FREM1: variants seen among roughly 807,000 people sequenced by gnomAD.
FREM1 encodes FRAS1 related extracellular matrix 1.
In FREM1, 220 loss-of-function variants were observed where a neutral mutation model predicts 210.1. The observed-to-expected ratio is 1.05, with a 90% CI of 0.94 to 1.17. The LOEUF is 1.17. Among genes scored for constraint, FREM1 ranks in the 50% most tolerant of loss-of-function variants. The pLI, the probability that FREM1 is intolerant of heterozygous loss-of-function variation, is 0.00. For missense variants in FREM1, 3,454 were observed against 2,675.5 expected (o/e 1.29, Z -6.42); for synonymous variants, 1,189 against 980.2 (o/e 1.21, Z -3.98).
intron 1 of FREM1, among the ~76,000 whole-genome samples, chr9:14,885,565 T>C (rs1835663910): frequency 6.6e-6 from 1 of 152,094 alleles, no homozygotes; most frequent in African/African-American, 2.4e-5. Flanking sequence ...ACTACAGGCA[T>C]GCACCACCAC....
intron 27 of FREM1, among the ~76,000 whole-genome samples, chr9:14,760,107 G>T (rs554561113): frequency 6.6e-6 from 1 of 152,312 alleles, no homozygotes; most frequent in African/African-American, 2.4e-5. Context: ...CTGTAAGGTA[G>T]ACAGAGCAAG....
At chr9:14,875,827 T>G (rs960680797) in intron 1 of FREM1, among the ~76,000 whole-genome samples, 2 of 152,190 alleles carry the variant, frequency 1.3e-5, no homozygotes, top group Non-Finnish European at 2.9e-5. Context: ...TGGTCTTTGA[T>G]GATGGTGATT....
chr9:14,782,282 C>T, intron 24 of FREM1: 1 of 652,364 alleles, frequency 1.5e-6, no homozygotes, highest in Non-Finnish European at 1.9e-6. Flanking sequence ...AAGACTTTCT[C>T]TGGATGCAAA....
chr9:14,890,767 T>C (rs1022693415), intron 1 of FREM1, among the ~76,000 whole-genome samples: 2 of 152,172 alleles, frequency 1.3e-5, no homozygotes, highest in Non-Finnish European at 1.5e-5. Context: ...TAAAACTACC[T>C]TCAAAGGTAG....
At chr9:14,901,948 C>G (rs1454257367) in intron 1 of FREM1, among the ~76,000 whole-genome samples, 1 of 151,494 alleles carries the variant, frequency 6.6e-6, no homozygotes, top group East Asian at 1.9e-4. Flanking sequence ...ACCACTGGGT[C>G]TCAAGTGATC....
chr9:14,887,667 C>T (rs2132301839), intron 1 of FREM1, among the ~76,000 whole-genome samples: 1 of 152,106 alleles, frequency 6.6e-6, no homozygotes, highest in South Asian at 2.1e-4. Flanking sequence ...TTTAGTCTCC[C>T]CTATGTGCAA....
chr9:14,827,757 G>A (rs1263001541), intron 10 of FREM1, among the ~76,000 whole-genome samples: 1 of 152,186 alleles, frequency 6.6e-6, no homozygotes, highest in Non-Finnish European at 1.5e-5. Context: ...GGGCCTTGAG[G>A]ACAGAATGGT....
At chr9:14,872,148 C>T (rs371072755) in intron 1 of FREM1, among the ~76,000 whole-genome samples, 5 of 152,052 alleles carry the variant, frequency 3.3e-5, no homozygotes, top group African/African-American at 4.8e-5. Flanking sequence ...CTTGGCAATG[C>T]GGGCTCTTTT....
intron 27 of FREM1, among the ~76,000 whole-genome samples, chr9:14,766,899 C>T (rs1430195507): frequency 6.6e-6 from 1 of 152,182 alleles, no homozygotes; most frequent in East Asian, 1.9e-4. Context: ...TAATTAGAGG[C>T]AGGCTTTCTA....
chr9:14,814,078 A>T (rs1209838205), intron 15 of FREM1, among the ~76,000 whole-genome samples: 13 of 151,984 alleles, frequency 8.6e-5, no homozygotes. Flanking sequence ...CCCACTGCCC[A>T]CGTCTCTTCC....
At position 14,824,940 on chromosome 9, in the gene FREM1, G is replaced by A. The variant is rs1418153207; in HGVS notation, c.1934C>T (p.Pro645Leu). The A allele has an allele frequency of 1.9e-5, 30 of 1,607,080 alleles. No homozygotes were observed. Among genetic ancestry groups the A allele is most frequent in the Non-Finnish European group, 2.5e-5 (29 of 1,178,310 alleles). ...PVDDQLPKEA[P>L]GVSRHLVVKE... ...GACAACCAAATGCCGAGAAACTCCA[G>A]GAGCCTCTTTTGGAAGCTGGTCATC... The change falls in exon 11 of 37, where the codon CCT becomes CTT. Residue 645 changes from proline to leucine, a missense_variant. By Grantham distance (98) the Pro-to-Leu change is moderately conservative. Transcript: ENST00000380880.
intron 1 of FREM1, among the ~76,000 whole-genome samples, chr9:14,896,406 T>TGCACCAGCTAATTA (rs1837725286): frequency 6.6e-6 from 1 of 151,626 alleles, no homozygotes; most frequent in Non-Finnish European, 1.5e-5. Context: ...TAGCTGGGAG[T>TGCACCAGCTAATTA]GGTGGTGTGC....
chr9:14,803,990 T>C (rs1322915840), intron 19 of FREM1, among the ~76,000 whole-genome samples: 1 of 152,150 alleles, frequency 6.6e-6, no homozygotes, highest in African/African-American at 2.4e-5. Flanking sequence ...TTCTTGCAGA[T>C]TGAATAGATT....
At position 14,776,132 on chromosome 9, in the gene FREM1, G is replaced by C; in HGVS notation, c.4514C>G (p.Ala1505Gly). 6.3e-7 allele frequency: 1 copy of C among 1,586,218 alleles called. No homozygotes were observed. Among genetic ancestry groups the C allele is most frequent in the Non-Finnish European group, 8.6e-7 (1 of 1,165,172 alleles). The change falls in exon 25 of 37, where the codon GCC becomes GGC. Residue 1505 changes from alanine (A) to glycine (G), a missense_variant. Transcript: ENST00000380880. ...CTTGTTCCTGGTTACCACAGGCAGG[G>C]CTCTGTCCACAGTCTCCAGTGTGAT... Reference protein sequence around the residue: ...FEITLETVDRALPVVTRNKGL... With the variant: ...FEITLETVDRGLPVVTRNKGL...
intron 1 of FREM1, among the ~76,000 whole-genome samples, chr9:14,900,159 C>T (rs1270418718): frequency 6.6e-6 from 1 of 152,100 alleles, no homozygotes; most frequent in Admixed American, 6.5e-5. Flanking sequence ...GGAAACACAC[C>T]AAGATGAGTT....
chr9:14,765,973 G>A (rs1031233759), intron 27 of FREM1, among the ~76,000 whole-genome samples: 1 of 152,178 alleles, frequency 6.6e-6, no homozygotes, highest in Non-Finnish European at 1.5e-5. Context: ...TGGGTCCTGT[G>A]TAACTTAGTT....
intron 1 of FREM1, among the ~76,000 whole-genome samples, chr9:14,889,854 T>G (rs965666146): frequency 6.6e-6 from 1 of 152,150 alleles, no homozygotes; most frequent in African/African-American, 2.4e-5. Flanking sequence ...GAGCCTTCAT[T>G]AAAAAAATGA....
intron 27 of FREM1, among the ~76,000 whole-genome samples, 151 bp from the exon 28 acceptor site, chr9:14,760,052 A>C (rs1845207623): frequency 6.6e-6 from 1 of 152,268 alleles, no homozygotes; most frequent in African/African-American, 2.4e-5. Flanking sequence ...TTTAGTTCAC[A>C]AAGAATGTCT....
At chr9:14,769,251 T>A (rs996735983) in intron 27 of FREM1, among the ~76,000 whole-genome samples, 5 of 152,222 alleles carry the variant, frequency 3.3e-5, no homozygotes, top group African/African-American at 9.6e-5. Flanking sequence ...AAACATACTG[T>A]CAAGTAATTG....
Sources: gnomAD v4.1 joint callset for allele counts (sites outside exome capture counted in the v4.1 genomes callset) on GRCh38, gnomAD v4.1.1 for gene constraint, MANE v1.5 for transcripts, NCBI Gene and HGNC (gene_info 2026-07-23, HGNC 2026-07-21) for gene names.